The following DYNC2H1 variants were observed in gnomAD, a reference collection of about 807,000 sequenced individuals.
The protein encoded by DYNC2H1 is dynein cytoplasmic 2 heavy chain 1.
Under a neutral mutation model 570.0 loss-of-function variants are expected in DYNC2H1, and 410 were observed. The ratio of observed to expected loss-of-function variants is 0.72; its 90% CI spans 0.66 to 0.78. DYNC2H1 has a LOEUF of 0.78. Ranked by LOEUF, DYNC2H1 falls within the 30% of genes least tolerant of loss-of-function variation. The pLI is 0.00. For missense variants in DYNC2H1, 4,865 were observed against 5,046.4 expected (o/e 0.96, Z 1.09); for synonymous variants, 1,688 against 1,677.6 (o/e 1.01, Z -0.15).
In DYNC2H1 at chr11:103,479,343, TGTTA is replaced by T; in HGVS notation, c.*94_*97del. On this transcript the variant is annotated 3_prime_UTR_variant, in exon 89 of 89. Transcript: ENST00000375735. The stretch of plus-strand genomic sequence containing the variant: ...ACATGTGGTCAGTCTACATTTGAAA[TGTTA>T]GTTCAAAATATTAACATATAGTTAT... 4.2e-6 allele frequency: 6 copies of T among 1,412,622 alleles called. No individual in the cohort carries two copies. The highest frequency in any genetic ancestry group is 5.6e-6 in the Non-Finnish European group (6 of 1,068,120). The allele number at this position is 1,412,622 out of a possible 1,614,324, so 87.5% of individuals were successfully genotyped here.
intron 70 of DYNC2H1, among the ~76,000 whole-genome samples, chr11:103,262,927 C>T (rs1056563589): frequency 6.8e-6 from 1 of 147,526 alleles, no homozygotes; most frequent in Non-Finnish European, 1.5e-5. Context: ...CAACACCCAT[C>T]GGTGTGCTGC....
intron 87 of DYNC2H1, among the ~76,000 whole-genome samples, chr11:103,459,444 A>G (rs1264080997): frequency 1.3e-5 from 2 of 152,086 alleles, no homozygotes; most frequent in Non-Finnish European, 2.9e-5. Flanking sequence ...TTCTAGTAGA[A>G]TGTAAGTCCC....
At position 103,113,690 on chromosome 11, in the gene DYNC2H1, G is replaced by T; in HGVS notation, c.349G>T (p.Ala117Ser). 6.5e-7 allele frequency: 1 copy of T among 1,530,098 alleles called. No individual in the cohort carries two copies. 94.8% of individuals were successfully genotyped at this position (1,530,098 alleles called of 1,614,324 possible). A position where few individuals can be genotyped will look rare whatever the true frequency, so the allele number is the denominator to read the frequency against. The stretch of plus-strand genomic sequence containing the variant: ...TTACCAAGCAGTACGGCAAGTATTC[G>T]CACCAATGTTGTTAAAGGTGAGAAA... ...SLYQAVRQVFAPMLLKDQEWS... is the reference protein window; with the variant it reads ...SLYQAVRQVFSPMLLKDQEWS... The change falls in exon 2 of 89, where the codon GCA becomes TCA. Residue 117 changes from alanine to serine, a missense_variant. Physicochemically the swap from Ala to Ser is moderately conservative, Grantham distance 99. This residue lies in a region of DYNC2H1 where 1,936 missense variants were observed against 1,962.1 expected (regional missense o/e 0.99). Transcript: ENST00000375735.
chr11:103,346,338 G>T (rs962466260), intron 82 of DYNC2H1, among the ~76,000 whole-genome samples: 4 of 152,032 alleles, frequency 2.6e-5, no homozygotes, highest in African/African-American at 7.2e-5. Context: ...TACTCTATTT[G>T]AATATATTAT....
chr11:103,447,724 G>C (rs565073417), intron 85 of DYNC2H1, among the ~76,000 whole-genome samples: 1 of 152,228 alleles, frequency 6.6e-6, no homozygotes, highest in East Asian at 1.9e-4. Context: ...TGTGTAACAT[G>C]CTTTAAATTT....
At chr11:103,441,176 T>C (rs901838132) in intron 85 of DYNC2H1, among the ~76,000 whole-genome samples, 2 of 152,142 alleles carry the variant, frequency 1.3e-5, no homozygotes, top group African/African-American at 4.8e-5. Context: ...GTCTTGCTTT[T>C]CAGTGAACAA....
intron 84 of DYNC2H1, among the ~76,000 whole-genome samples, chr11:103,400,399 A>G (rs993164633): frequency 1.3e-5 from 2 of 152,190 alleles, no homozygotes; most frequent in Non-Finnish European, 2.9e-5. Flanking sequence ...CCTTTAACAC[A>G]TATACTGAGA....
rs17100043 is a variant in DYNC2H1, at chr11:103,187,336, G to C, written c.6894-4G>C. ...CAAAGTCAGATGTCATGCATTTTTCGTAGGATGCTGCTCAGGTACGCATTT... is the reference window on the plus strand; with the variant it reads ...CAAAGTCAGATGTCATGCATTTTTCCTAGGATGCTGCTCAGGTACGCATTT... On this transcript the variant is annotated splice_polypyrimidine_tract_variant and splice_region_variant and intron_variant, in intron 42 of 88. Transcript: ENST00000375735. The C allele has an allele frequency of 1.9e-6, 3 of 1,611,126 alleles. No homozygotes were observed. In the South Asian group the frequency reaches 3.3e-5, roughly 18 times the overall value.
chr11:103,251,110 G>A lies in DYNC2H1; in HGVS notation c.10043-2175G>A, dbSNP rs184958956. Among the ~76,000 whole-genome samples the A allele has an allele frequency of 2.7e-3, 415 of 151,680 alleles. 2 individuals are homozygous for A. Among genetic ancestry groups the A allele is most frequent in the African/African-American group, 9.3e-3 (387 of 41,410 alleles). On this transcript the variant is annotated intron_variant, in intron 65 of 88. Transcript: ENST00000375735. The stretch of plus-strand genomic sequence containing the variant: ...ATTTATTTTTTTTCTTTGCTTTATC[G>A]TGTATTGAGATAAATATCCTAAAGT...
intron 88 of DYNC2H1, among the ~76,000 whole-genome samples, chr11:103,477,712 T>C (rs1261120126): frequency 6.6e-6 from 1 of 151,394 alleles, no homozygotes; most frequent in Non-Finnish European, 1.5e-5. Context: ...GTGCCTGTAG[T>C]CCCAGCTACT....
intron 82 of DYNC2H1, among the ~76,000 whole-genome samples, chr11:103,354,755 G>T (rs1215505571): frequency 4.0e-5 from 6 of 150,408 alleles, no homozygotes; most frequent in African/African-American, 1.5e-4. Context: ...CATTGTTGCA[G>T]TTGGGAAGTG....
chr11:103,358,336 A>T lies in DYNC2H1; in HGVS notation c.12133A>T (p.Asn4045Tyr), dbSNP rs1333501493. ...IWSNELSPVL[N>Y]LWKKLNQNSN... ...GTCTAATGAACTTTCTCCTGTCCTC[A>T]ATCTCTGGAAGAAACTAAACCAGGT... Residue 4045 changes from asparagine (N) to tyrosine (Y), a missense_variant, in exon 83 of 89, where the codon AAT (asparagine) becomes TAT (tyrosine). Physicochemically the swap from Asn to Tyr is moderately radical, Grantham distance 143. This residue lies in a region of DYNC2H1 where 2,401 missense variants were observed against 2,454.6 expected (regional missense o/e 0.98). Transcript: ENST00000375735. 1 of 1,578,366 alleles carries T rather than the reference A, an allele frequency of 6.3e-7. No homozygotes were observed. Among genetic ancestry groups the T allele is most frequent in the Non-Finnish European group, 8.6e-7 (1 of 1,159,758 alleles).
At chr11:103,194,495 C>CT (rs946073525) in intron 47 of DYNC2H1, among the ~76,000 whole-genome samples, 69 of 151,808 alleles carry the variant, frequency 4.5e-4, no homozygotes, top group Middle Eastern at 3.4e-3. Context: ...AACTAACAGG[C>CT]TTTTTTTTAT....
At chr11:103,365,364 G>GAA (rs562729975) in intron 83 of DYNC2H1, among the ~76,000 whole-genome samples, 158 of 146,830 alleles carry the variant, frequency 1.1e-3, no homozygotes, top group Middle Eastern at 3.5e-3. Context: ...TCCGGCTCAG[G>GAA]AAAAAAAAAA....
chr11:103,471,924 G>C (rs911383292), intron 88 of DYNC2H1, among the ~76,000 whole-genome samples: 1 of 152,164 alleles, frequency 6.6e-6, no homozygotes, highest in South Asian at 2.1e-4. Flanking sequence ...AGATGACCTC[G>C]CTGAGAGAGG....
Position 103,158,979 on chromosome 11 carries a change from T to G in DYNC2H1, c.4330T>G (p.Ser1444Ala), listed in dbSNP as rs1860964189. Residue 1444 changes from serine to alanine, a missense_variant, in exon 28 of 89, where the codon TCT (serine) becomes GCT (alanine). This residue lies in a region of DYNC2H1 where 1,936 missense variants were observed against 1,962.1 expected (regional missense o/e 0.99). Coordinates refer to ENST00000375735, the MANE Select transcript of DYNC2H1 (RefSeq NM_001377.3). The part of the protein sequence containing the change: ...DDDLLEILGQ[S>A]TNPSVIQSHL... ...TGACTTATTAGAAATATTGGGCCAGTCTACCAACCCATCAGTGATTCAGTC... is the reference window on the plus strand; with the variant it reads ...TGACTTATTAGAAATATTGGGCCAGGCTACCAACCCATCAGTGATTCAGTC... The G allele has an allele frequency of 6.2e-7, 1 of 1,613,672 alleles. No homozygotes were observed. Among genetic ancestry groups the G allele is most frequent in the Non-Finnish European group, 8.5e-7 (1 of 1,179,770 alleles).
chr11:103,137,577 T>A (rs1272414245), intron 17 of DYNC2H1, among the ~76,000 whole-genome samples: 1 of 152,198 alleles, frequency 6.6e-6, no homozygotes, highest in African/African-American at 2.4e-5. Flanking sequence ...TTCTGTTCCA[T>A]TGATCTATAT....
At chr11:103,477,260 A>G (rs893625720) in intron 88 of DYNC2H1, among the ~76,000 whole-genome samples, 9 of 152,204 alleles carry the variant, frequency 5.9e-5, no homozygotes, top group African/African-American at 2.2e-4. Flanking sequence ...CAACTGTAGT[A>G]TCTGTGACAA....
At chr11:103,233,868 G>GTGTGTTTGTCTCTTC (rs1864115106) in intron 60 of DYNC2H1, among the ~76,000 whole-genome samples, 166 bp from the exon 61 acceptor site, 1 of 115,504 alleles carries the variant, frequency 8.7e-6, no homozygotes, top group African/African-American at 3.2e-5. Context: ...GTGTGTGTGT[G>GTGTGTTTGTCTCTTC]TGTGTGTGTG....
Sources: gnomAD v4.1 joint callset for allele counts (sites outside exome capture counted in the v4.1 genomes callset) on GRCh38, gnomAD v4.1.1 for gene constraint, gnomAD v4.1.1 regional missense constraint, MANE v1.5 for transcripts, NCBI Gene and HGNC (gene_info 2026-07-23, HGNC 2026-07-21) for gene names.